The following PCYT1B variants were observed in gnomAD, a reference collection of about 807,000 sequenced individuals.
The protein encoded by PCYT1B is choline-phosphate cytidylyltransferase B.
Under a neutral mutation model 26.4 loss-of-function variants are expected in PCYT1B, and 10 were observed. The ratio of observed to expected loss-of-function variants is 0.38; its 90% CI spans 0.23 to 0.64. PCYT1B has a LOEUF of 0.64. Ranked by LOEUF, PCYT1B falls within the 30% of genes least tolerant of loss-of-function variation. The pLI, the probability that PCYT1B is intolerant of heterozygous loss-of-function variation, is 0.56. For synonymous variants in PCYT1B, 131 were observed against 108.4 expected, an observed-to-expected ratio of 1.21 and a Z score of -1.29; for missense variants, 161 against 292.7, an observed-to-expected ratio of 0.55 and a Z score of 3.28.
intron 1 of PCYT1B, among the ~76,000 whole-genome samples, chrX:24,669,110 C>T (rs911527171): frequency 6.2e-5 from 7 of 112,043 alleles, no homozygotes; most frequent in African/African-American, 2.3e-4. Flanking sequence ...GGACATGCCT[C>T]AGCATATCTA....
intron 1 of PCYT1B, among the ~76,000 whole-genome samples, chrX:24,631,476 G>C (rs773946344): frequency 1.5e-4 from 17 of 111,360 alleles, no homozygotes; most frequent in African/African-American, 5.5e-4. Flanking sequence ...TCAGATCCTT[G>C]AATAATGTCA....
At chrX:24,670,053 A>C (rs758930907) in intron 1 of PCYT1B, among the ~76,000 whole-genome samples, 1 of 41,559 alleles carries the variant, frequency 2.4e-5, no homozygotes, top group South Asian at 1.4e-3. Context: ...AAAAAAAAAG[A>C]AAGAAAGAAA....
At chrX:24,576,883 T>G (rs1416787354) in intron 6 of PCYT1B, among the ~76,000 whole-genome samples, 1 of 112,063 alleles carries the variant, frequency 8.9e-6, no homozygotes, top group Non-Finnish European at 1.9e-5. Context: ...AGGCCCATCA[T>G]GAGGATTAAA....
intron 1 of PCYT1B, among the ~76,000 whole-genome samples, chrX:24,657,648 C>G (rs768403711): frequency 9.0e-6 from 1 of 111,726 alleles, no homozygotes; most frequent in South Asian, 3.8e-4. Context: ...ATAATCTAAC[C>G]AGGTTCAAGT....
At chrX:24,651,737 A>G (rs955005396), upstream of PCYT1B, among the ~76,000 whole-genome samples, 6 of 105,053 alleles carry the variant, frequency 5.7e-5, no homozygotes, top group African/African-American at 2.1e-4. Flanking sequence ...CTGGTCTTGA[A>G]CTCCTGAGCT....
Position 24,558,573 on chromosome X carries a change from C to T in PCYT1B, c.*3720G>A, listed in dbSNP as rs752653806. On this transcript the variant is annotated 3_prime_UTR_variant, in exon 8 of 8. Coordinates refer to ENST00000379144, the MANE Select transcript of PCYT1B (RefSeq NM_004845.5). ...TAGATGCTAAAATAAGTACTGAAGA[C>T]GGAGAGAAAATAAATCCGTGCTCTT... 3 of 106,334 alleles carry T rather than the reference C, an allele frequency of 2.8e-5. No individual in the cohort carries two copies. The highest frequency in any genetic ancestry group is 3.0e-4 in the East Asian group (1 of 3,388). The allele number at this position is 106,334 out of a possible 1,213,427, so 8.8% of individuals were successfully genotyped here. A position where few individuals can be genotyped will look rare whatever the true frequency, so the allele number is the denominator to read the frequency against.
intron 1 of PCYT1B, among the ~76,000 whole-genome samples, chrX:24,628,783 A>T (rs1925957149): frequency 8.9e-6 from 1 of 112,042 alleles, no homozygotes; most frequent in Admixed American, 9.5e-5. Flanking sequence ...CTTCTCCATC[A>T]TTGAATATTA....
intron 1 of PCYT1B, among the ~76,000 whole-genome samples, chrX:24,621,091 T>C (rs1477982270): frequency 8.9e-6 from 1 of 112,273 alleles, no homozygotes; most frequent in Non-Finnish European, 1.9e-5. Context: ...GTTCATCTTT[T>C]CAAATCAGGC....
intron 1 of PCYT1B, among the ~76,000 whole-genome samples, chrX:24,641,308 T>C (rs1228677384): frequency 8.9e-6 from 1 of 112,089 alleles, no homozygotes; most frequent in Admixed American, 9.5e-5. Flanking sequence ...CTTTAGTGTT[T>C]CCCATATCCA....
At chrX:24,614,170 G>A (rs1925408838) in intron 2 of PCYT1B, among the ~76,000 whole-genome samples, 1 of 110,957 alleles carries the variant, frequency 9.0e-6, no homozygotes, top group Admixed American at 9.7e-5. Context: ...TGCCGATTCT[G>A]ATTGCTTTTT....
At chrX:24,583,238 G>T (rs1924260448) in intron 5 of PCYT1B, among the ~76,000 whole-genome samples, 1 of 111,744 alleles carries the variant, frequency 8.9e-6, no homozygotes, top group African/African-American at 3.3e-5. Flanking sequence ...CAGCTGCCAT[G>T]CTGTGAGAAG....
chrX:24,672,756 T>C, upstream of PCYT1B: 1 of 526,511 alleles, frequency 1.9e-6, no homozygotes, highest in Non-Finnish European at 3.2e-6. Flanking sequence ...TGCCCAGCGC[T>C]CAAAGATAAG....
upstream of PCYT1B, among the ~76,000 whole-genome samples, chrX:24,648,248 T>C (rs1379311949): frequency 9.0e-6 from 1 of 111,019 alleles, no homozygotes. Flanking sequence ...AAGGTATTCA[T>C]TGTGAATTGT....
chrX:24,598,056 T>A (rs749685716), intron 3 of PCYT1B, among the ~76,000 whole-genome samples: 127 of 112,166 alleles, frequency 1.1e-3, no homozygotes, highest in Non-Finnish European at 1.6e-3. Flanking sequence ...CAAAGCTATA[T>A]AGGCTGGTAC....
chrX:24,658,173 A>T (rs1000958338), intron 1 of PCYT1B: 23 of 112,025 alleles, frequency 2.1e-4, no homozygotes, highest in African/African-American at 6.8e-4. Context: ...GGATACATTC[A>T]TTTGCAAGTA....
At chrX:24,672,661 A>G in exon 1 of PCYT1B, 3 of 1,121,215 alleles carry the variant, frequency 2.7e-6, no homozygotes, top group South Asian at 1.9e-5. Flanking sequence ...TATCTTCTCT[A>G]GAGGCCTCTA....
chrX:24,630,156 C>T lies in PCYT1B; in HGVS notation c.118-11072G>A, dbSNP rs781537821. ...TTAAGTTTATAGTGAACATCAATAACAATGTTATATCATATTCATATTCCA... is the reference window on the plus strand; with the variant it reads ...TTAAGTTTATAGTGAACATCAATAATAATGTTATATCATATTCATATTCCA... On this transcript the variant is annotated intron_variant, in intron 1 of 7. Coordinates refer to ENST00000379144, the MANE Select transcript of PCYT1B (RefSeq NM_004845.5). Among the ~76,000 whole-genome samples the T allele has an allele frequency of 8.0e-5, 9 of 112,049 alleles. No individual in the cohort carries two copies. In the South Asian group the frequency reaches 3.0e-3, roughly 37 times the overall value.
At chrX:24,627,426 T>G (rs1050746697) in intron 1 of PCYT1B, among the ~76,000 whole-genome samples, 1 of 111,233 alleles carries the variant, frequency 9.0e-6, no homozygotes, top group African/African-American at 3.3e-5. Context: ...CTCCGCCTCC[T>G]GGGTTCAAGA....
intron 2 of PCYT1B, among the ~76,000 whole-genome samples, chrX:24,611,700 G>C (rs1354313677): frequency 1.8e-5 from 2 of 111,187 alleles, no homozygotes; most frequent in East Asian, 5.6e-4. Flanking sequence ...GGCCAGGCGT[G>C]GTGGCTCACA....
Sources: allele counts gnomAD v4.1 joint callset (sites outside exome capture counted in the v4.1 genomes callset), GRCh38; gene constraint gnomAD v4.1.1; transcripts MANE v1.5; gene names NCBI Gene and HGNC (gene_info 2026-07-23, HGNC 2026-07-21).